The following KCNJ10 variants were observed in gnomAD, a reference collection of about 807,000 sequenced individuals.
KCNJ10 encodes ATP-sensitive inward rectifier potassium channel 10.
In KCNJ10, 9 loss-of-function variants were observed where a neutral mutation model predicts 22.2. The observed-to-expected ratio is 0.40, with a 90% confidence interval of 0.24 to 0.71. The LOEUF (loss-of-function observed/expected upper bound fraction) is 0.71, where lower values mean the gene tolerates loss of function less well. Ranked by LOEUF, KCNJ10 falls within the 30% of genes least tolerant of loss-of-function variation. KCNJ10 has a pLI of 0.35. For missense variants in KCNJ10, 337 were observed against 482.7 expected, an observed-to-expected ratio of 0.70 and a Z score of 2.83; for synonymous variants, 184 against 187.3, an observed-to-expected ratio of 0.98 and a Z score of 0.15.
At position 160,041,787 on chromosome 1, in the gene KCNJ10, A is replaced by T; in HGVS notation, c.746T>A (p.Leu249His). 6.2e-7 allele frequency: 1 copy of T among 1,614,228 alleles called. No homozygotes were observed. Among genetic ancestry groups the T allele is most frequent in the Non-Finnish European group, 8.5e-7 (1 of 1,180,042 alleles). The change falls in exon 2 of 2, where the codon CTT becomes CAT. Residue 249 changes from leucine to histidine, a missense_variant. Coordinates refer to ENST00000644903, the MANE Select transcript of KCNJ10 (RefSeq NM_002241.5). This position sits in a 1 kb window ranked among gnomAD's most constrained non-coding sequence, Gnocchi z 4.4. ...QVDTASDSPF[L>H]ILPLTFYHVV... ...ATGATAGAAGGTAAGGGGTAGAATA[A>T]GGAAGGGGCTGTCAGAGGCTGTGTC...
intron 1 of KCNJ10, among the ~76,000 whole-genome samples, chr1:160,047,748 C>T (rs1366610339): frequency 2.6e-5 from 4 of 152,170 alleles, no homozygotes; most frequent in African/African-American, 4.8e-5. Flanking sequence ...CCTCACCCCC[C>T]GCCAGATGGG....
intron 1 of KCNJ10, among the ~76,000 whole-genome samples, chr1:160,065,451 C>T (rs1002570305): frequency 5.3e-5 from 8 of 152,102 alleles, no homozygotes; most frequent in Admixed American, 3.9e-4. Context: ...GAGGAAACCC[C>T]CGGCTAATGA....
At chr1:160,052,359 C>T (rs548753126) in intron 1 of KCNJ10, among the ~76,000 whole-genome samples, 1 of 152,188 alleles carries the variant, frequency 6.6e-6, no homozygotes, top group African/African-American at 2.4e-5. Context: ...CCATCATGCT[C>T]AAGAACCCCA....
rs1177571695 is a variant in KCNJ10, at chr1:160,038,403, T to C, written c.*2990A>G. 1 of 152,186 alleles carries C rather than the reference T, an allele frequency of 6.6e-6. No homozygotes were observed. The highest frequency in any genetic ancestry group is 1.5e-5 in the Non-Finnish European group (1 of 68,030). 9.4% of individuals were successfully genotyped at this position (152,186 alleles called of 1,614,324 possible). A position where few individuals can be genotyped will look rare whatever the true frequency, so the allele number is the denominator to read the frequency against. ...CCGAGTTCCTCTCTTCCTGGTCCTATCAGTAGCATAGGATTCAACAAAAGC... is the reference window on the plus strand; with the variant it reads ...CCGAGTTCCTCTCTTCCTGGTCCTACCAGTAGCATAGGATTCAACAAAAGC... On this transcript the variant is annotated 3_prime_UTR_variant, in exon 2 of 2. Coordinates refer to ENST00000644903, the MANE Select transcript of KCNJ10 (RefSeq NM_002241.5).
chr1:160,058,681 C>T (rs1319080092), intron 1 of KCNJ10, among the ~76,000 whole-genome samples: 2 of 152,034 alleles, frequency 1.3e-5, no homozygotes, highest in South Asian at 4.2e-4. Context: ...CTCTGAAGTC[C>T]CTAGAATTAC....
In KCNJ10 at chr1:160,041,318, C is replaced by A; in HGVS notation, c.*75G>T. ...GTGCTTCGGGGGATCTCCAGTAAAC[C>A]CGGGTAGTATTCCTTACCAGGGCAT... On this transcript the variant is annotated 3_prime_UTR_variant, in exon 2 of 2. Transcript: ENST00000644903. The surrounding 1 kb of genome is among the most constrained non-coding windows in gnomAD (Gnocchi z 4.4). 2.1e-6 allele frequency: 3 copies of A among 1,435,378 alleles called. No individual in the cohort carries two copies. The highest frequency in any genetic ancestry group is 1.2e-5 in the South Asian group (1 of 82,680). 88.9% of individuals were successfully genotyped at this position (1,435,378 alleles called of 1,614,324 possible).
In KCNJ10 at chr1:160,049,678, TATATATATATA is replaced by T. The variant is rs1648838830; in HGVS notation, c.1-7157_1-7147del. Among the ~76,000 whole-genome samples the T allele has an allele frequency of 2.3e-4, 12 of 51,986 alleles. 2 individuals carry two copies. The highest frequency in any genetic ancestry group is 1.5e-3 in the South Asian group (2 of 1,314). 34.1% of individuals were successfully genotyped at this position (51,986 alleles called of 152,430 possible). ...AAGGATCCAGCATTTTATTTATTTA[TATATATATATA>T]TATATATATATATATATATATATAT... On this transcript the variant is annotated intron_variant, in intron 1 of 1. Transcript: ENST00000644903.
chr1:160,053,188 G>T (rs557695570), intron 1 of KCNJ10, among the ~76,000 whole-genome samples: 114 of 152,164 alleles, frequency 7.5e-4, no homozygotes, highest in Middle Eastern at 3.4e-3. Context: ...ACAGCAGTCT[G>T]GTCCCACTCC....
At position 160,041,344 on chromosome 1, in the gene KCNJ10, T is replaced by G. The variant is rs1054054995; in HGVS notation, c.*49A>C. The stretch of plus-strand genomic sequence containing the variant: ...CGGGTAGTATTCCTTACCAGGGCAT[T>G]GGAAGAGAGGAAAAGAGACCAGAGG... On this transcript the variant is annotated 3_prime_UTR_variant, in exon 2 of 2. Coordinates refer to ENST00000644903, the MANE Select transcript of KCNJ10 (RefSeq NM_002241.5). This position sits in a 1 kb window ranked among gnomAD's most constrained non-coding sequence, Gnocchi z 4.4. 6.4e-7 allele frequency: 1 copy of G among 1,568,860 alleles called. No individual in the cohort carries two copies. Among genetic ancestry groups the G allele is most frequent in the South Asian group, 1.1e-5 (1 of 88,248 alleles).
chr1:160,049,213 A>C (rs1648819841), intron 1 of KCNJ10, among the ~76,000 whole-genome samples: 1 of 152,126 alleles, frequency 6.6e-6, no homozygotes, highest in Admixed American at 6.5e-5. Context: ...AAAACATTTT[A>C]ATGTCTCCCC....
Position 160,040,308 on chromosome 1 carries a change from A to G in KCNJ10, c.*1085T>C, listed in dbSNP as rs1359760214. ...GAATTTACCCATCCCTCATGGTGGG[A>G]TTGTGTTAACTTTCTGGGGAATCTG... On this transcript the variant is annotated 3_prime_UTR_variant, in exon 2 of 2. Coordinates refer to ENST00000644903, the MANE Select transcript of KCNJ10 (RefSeq NM_002241.5). The G allele has an allele frequency of 1.6e-5, 6 of 378,828 alleles. No individual in the cohort carries two copies. In the Admixed American group the frequency reaches 2.7e-4, roughly 17 times the overall value. 23.5% of individuals were successfully genotyped at this position (378,828 alleles called of 1,614,324 possible).
chr1:160,051,919 A>G (rs1008112614), intron 1 of KCNJ10, among the ~76,000 whole-genome samples: 1 of 151,850 alleles, frequency 6.6e-6, no homozygotes, highest in Non-Finnish European at 1.5e-5. Flanking sequence ...TTGCCTACAC[A>G]TCTCTCTGGC....
chr1:160,051,518 G>A (rs755915999), intron 1 of KCNJ10, among the ~76,000 whole-genome samples: 4 of 152,054 alleles, frequency 2.6e-5, no homozygotes, highest in Non-Finnish European at 5.9e-5. Flanking sequence ...GGATTCCAAA[G>A]TCCTTTCCAC....
chr1:160,043,311 A>C (rs1557968526), intron 1 of KCNJ10, among the ~76,000 whole-genome samples: 1 of 149,316 alleles, frequency 6.7e-6, no homozygotes, highest in Admixed American at 6.7e-5. Context: ...ACACACACAC[A>C]CACAACCTTA....
chr1:160,057,017 G>T (rs1404993265), intron 1 of KCNJ10, among the ~76,000 whole-genome samples: 1 of 152,108 alleles, frequency 6.6e-6, no homozygotes, highest in African/African-American at 2.4e-5. Flanking sequence ...CCCGCTATTT[G>T]CCATCCTGTC....
At chr1:160,058,336 C>G (rs563179538) in intron 1 of KCNJ10, among the ~76,000 whole-genome samples, 2 of 152,332 alleles carry the variant, frequency 1.3e-5, no homozygotes, top group African/African-American at 4.8e-5. Flanking sequence ...ACTCTCCCTA[C>G]TCTCTACAAT....
At chr1:160,068,715 A>G (rs934554562) in intron 1 of KCNJ10, among the ~76,000 whole-genome samples, 4 of 152,124 alleles carry the variant, frequency 2.6e-5, no homozygotes, top group African/African-American at 4.8e-5. Flanking sequence ...TACAAGCCCT[A>G]CCACTTGGCA....
chr1:160,060,298 G>A (rs1241904512), intron 1 of KCNJ10, among the ~76,000 whole-genome samples: 4 of 152,104 alleles, frequency 2.6e-5, no homozygotes, highest in Non-Finnish European at 4.4e-5. Flanking sequence ...AACTGCCCGA[G>A]CACAGCAGGG....
At position 160,041,241 on chromosome 1, in the gene KCNJ10, G is replaced by A. The variant is rs1041714461; in HGVS notation, c.*152C>T. ...TGGGAGGCGAACCTGGACTCCAGTT[G>A]GCCTAAGCTACCAACAGGCCACTGG... is the stretch of plus-strand genomic sequence containing the variant. On this transcript the variant is annotated 3_prime_UTR_variant, in exon 2 of 2. Coordinates refer to ENST00000644903, the MANE Select transcript of KCNJ10 (RefSeq NM_002241.5). The surrounding 1 kb of genome is among the most constrained non-coding windows in gnomAD (Gnocchi z 4.4). 1.6e-5 allele frequency: 12 copies of A among 745,106 alleles called. No homozygotes were observed. The highest frequency in any genetic ancestry group is 4.9e-5 in the South Asian group (3 of 61,152). The allele number at this position is 745,106 out of a possible 1,614,324, so 46.2% of individuals were successfully genotyped here.
Sources: allele counts gnomAD v4.1 joint callset (sites outside exome capture counted in the v4.1 genomes callset), GRCh38; gene constraint gnomAD v4.1.1; non-coding constraint Gnocchi (gnomAD v3.1); transcripts MANE v1.5; gene names NCBI Gene and HGNC (gene_info 2026-07-23, HGNC 2026-07-21).